The following NCKAP5 variants were observed in gnomAD, a reference collection of about 807,000 sequenced individuals.
NCKAP5 encodes the protein nck-associated protein 5.
NCKAP5 carries 92 observed loss-of-function variants against 167.0 expected under a neutral mutation model. The ratio of observed to expected loss-of-function variants is 0.55; its 90% CI spans 0.47 to 0.66. The LOEUF is 0.66. Ranked by LOEUF, NCKAP5 falls within the 30% of genes least tolerant of loss-of-function variation. NCKAP5 has a pLI of 0.00. For synonymous variants in NCKAP5, 891 were observed against 877.4 expected (o/e 1.02, Z -0.27); for missense variants, 2,378 against 2,315.0 (o/e 1.03, Z -0.56).
At chr2:133,580,098 T>C in the NCKAP5 span, among the ~76,000 whole-genome samples, 9 of 152,140 alleles carry the variant, frequency 5.9e-5, no homozygotes, top group Non-Finnish European at 1.2e-4. Context: ...CCATAGATTG[T>C]TCCCCAATAC....
intron 8 of NCKAP5, among the ~76,000 whole-genome samples, chr2:132,939,877 G>A (rs1697161734): frequency 2.0e-5 from 3 of 152,112 alleles, no homozygotes; most frequent in Non-Finnish European, 4.4e-5. Context: ...GTGGGTGCCT[G>A]TAACTCTAGC....
intron 4 of NCKAP5, among the ~76,000 whole-genome samples, chr2:133,291,866 T>C (rs1299089191): frequency 2.6e-5 from 4 of 152,232 alleles, no homozygotes; most frequent in Non-Finnish European, 4.4e-5. Flanking sequence ...TCAAGGAACC[T>C]TGCCATCCTT....
At chr2:133,132,047 T>C (rs1211997563) in intron 5 of NCKAP5, among the ~76,000 whole-genome samples, 4 of 152,018 alleles carry the variant, frequency 2.6e-5, no homozygotes, top group African/African-American at 9.7e-5. Context: ...CCCAGCACTT[T>C]GGGAGGCTGA....
chr2:133,464,289 T>C (rs1483010359), intron 3 of NCKAP5, among the ~76,000 whole-genome samples: 3 of 152,372 alleles, frequency 2.0e-5, no homozygotes, highest in African/African-American at 4.8e-5. Context: ...AAGTACCTTA[T>C]GGCTTCTCTT....
At chr2:133,605,451 C>T in the NCKAP5 span, among the ~76,000 whole-genome samples, 2 of 152,078 alleles carry the variant, frequency 1.3e-5, no homozygotes, top group Admixed American at 6.5e-5. Flanking sequence ...TGAGCAACTC[C>T]TAAAGGGGAT....
At chr2:133,322,405 G>C (rs1402579701) in intron 3 of NCKAP5, among the ~76,000 whole-genome samples, 1 of 152,170 alleles carries the variant, frequency 6.6e-6, no homozygotes, top group Admixed American at 6.5e-5. Flanking sequence ...CTTGTGGAAA[G>C]ATAATTGATA....
chr2:133,566,089 T>C (rs1203965081), intron 1 of NCKAP5, among the ~76,000 whole-genome samples: 1 of 152,062 alleles, frequency 6.6e-6, no homozygotes, highest in African/African-American at 2.4e-5. Context: ...GGTAGGAATG[T>C]CAGGGACAAG....
chr2:133,213,861 G>T, intron 4 of NCKAP5, 82 bp from the exon 5 acceptor site: 1 of 1,326,884 alleles, frequency 7.5e-7, no homozygotes, highest in Non-Finnish European at 1.1e-6. Flanking sequence ...ATTCTTTTGA[G>T]GTCTCTAGAG....
At chr2:133,387,306 G>A (rs1687054955) in intron 3 of NCKAP5, among the ~76,000 whole-genome samples, 2 of 152,116 alleles carry the variant, frequency 1.3e-5, no homozygotes, top group South Asian at 4.1e-4. Flanking sequence ...CACTTATGAA[G>A]CTTAGTTTGG....
Position 133,515,345 on chromosome 2 carries a change from C to T in NCKAP5, c.69+2113G>A, listed in dbSNP as rs771309195. ...GCCTAAGTGCTATAATGTTGAAAAG[C>T]ATTTAAGCACCCCCCTACACACTGT... On this transcript the variant is annotated intron_variant, in intron 3 of 19. Transcript: ENST00000409261. Among the ~76,000 whole-genome samples, 13 of 152,246 alleles carry T rather than the reference C, an allele frequency of 8.5e-5. 1 individual carries two copies. The Middle Eastern group carries it at 0.037, about 438-fold the overall frequency.
chr2:133,299,943 G>T (rs890323715), intron 4 of NCKAP5, among the ~76,000 whole-genome samples: 1 of 150,878 alleles, frequency 6.6e-6, no homozygotes, highest in Non-Finnish European at 1.5e-5. Flanking sequence ...TGATAAAGGG[G>T]ATATCACCAC....
At chr2:133,558,474 G>A (rs543318446) in intron 2 of NCKAP5, among the ~76,000 whole-genome samples, 8 of 151,946 alleles carry the variant, frequency 5.3e-5, no homozygotes, top group Middle Eastern at 3.4e-3. Context: ...AAGAGGAAGG[G>A]AGCAGCCAGG....
intron 3 of NCKAP5, among the ~76,000 whole-genome samples, chr2:133,426,484 AT>A (rs1689814762): frequency 6.6e-6 from 1 of 151,114 alleles, no homozygotes; most frequent in Non-Finnish European, 1.5e-5. Context: ...TTCCAAATTT[AT>A]TTTAAGAAGC....
intron 6 of NCKAP5, among the ~76,000 whole-genome samples, chr2:133,013,726 C>T (rs973467302): frequency 6.6e-6 from 1 of 152,124 alleles, no homozygotes; most frequent in Non-Finnish European, 1.5e-5. Flanking sequence ...CTGAACTTGA[C>T]AGCCATTAGA....
the NCKAP5 span, among the ~76,000 whole-genome samples, chr2:133,628,311 C>T: frequency 6.6e-6 from 1 of 152,102 alleles, no homozygotes; most frequent in Non-Finnish European, 1.5e-5. Context: ...GATACAAAAT[C>T]AATGTGCAAA....
chr2:133,560,727 T>C (rs893705116), intron 1 of NCKAP5, among the ~76,000 whole-genome samples: 3 of 152,206 alleles, frequency 2.0e-5, no homozygotes, highest in Non-Finnish European at 4.4e-5. Context: ...TCTCGGAGTC[T>C]AGCTTCTCTT....
chr2:132,841,966 T>A (rs543614181), intron 11 of NCKAP5, among the ~76,000 whole-genome samples: 11 of 152,244 alleles, frequency 7.2e-5, no homozygotes, highest in Admixed American at 4.6e-4. Flanking sequence ...ATAGTTTTCC[T>A]AGGTCTAGTA....
chr2:133,542,849 G>T (rs1442679575), intron 2 of NCKAP5, among the ~76,000 whole-genome samples: 1 of 152,080 alleles, frequency 6.6e-6, no homozygotes, highest in African/African-American at 2.4e-5. Context: ...GTTTTAAGGT[G>T]GTGATATAAA....
chr2:132,973,846 G>A (rs1043030568), intron 7 of NCKAP5, among the ~76,000 whole-genome samples: 12 of 152,104 alleles, frequency 7.9e-5, no homozygotes, highest in African/African-American at 2.7e-4. Flanking sequence ...TTTAGTGAAA[G>A]ATACTCCTAA....
Sources: gnomAD v4.1 joint callset for allele counts (sites outside exome capture counted in the v4.1 genomes callset) on GRCh38, gnomAD v4.1.1 for gene constraint, MANE v1.5 for transcripts, NCBI Gene and HGNC (gene_info 2026-07-23, HGNC 2026-07-21) for gene names.